SRGAP2: variants seen among roughly 807,000 people sequenced by gnomAD.
SRGAP2 encodes the protein SLIT-ROBO Rho GTPase activating protein 2, also known as SLIT-ROBO Rho GTPase-activating protein 2.
SRGAP2 carries 15 observed loss-of-function variants against 57.2 expected under a neutral mutation model. The observed-to-expected ratio is 0.26, with a 90% CI of 0.18 to 0.40. SRGAP2 has a LOEUF of 0.40. SRGAP2 is among the 10% of genes least tolerant of loss of function. The probability of loss-of-function intolerance (pLI) is 1.00; values close to 1 mark genes in which losing one functional copy is unlikely to be tolerated. For missense variants in SRGAP2, 520 were observed against 669.6 expected (o/e 0.78, Z 2.47); for synonymous variants, 249 against 248.0 (o/e 1.00, Z -0.04).
intron 2 of SRGAP2, among the ~76,000 whole-genome samples, chr1:206,245,231 C>T: frequency 6.9e-6 from 1 of 145,706 alleles, no homozygotes; most frequent in Non-Finnish European, 1.5e-5. Context: ...GAGCCCTAGA[C>T]CTTTCCATCT....
intron 3 of SRGAP2, among the ~76,000 whole-genome samples, chr1:206,310,209 GC>G (rs1429657133): frequency 2.6e-5 from 4 of 151,544 alleles, no homozygotes; most frequent in Admixed American, 6.6e-5. Context: ...ATATGGTACA[GC>G]CTGGTAGAAG....
At chr1:206,369,013 C>T (rs1383960537) in intron 4 of SRGAP2, among the ~76,000 whole-genome samples, 1 of 152,080 alleles carries the variant, frequency 6.6e-6, no homozygotes, top group Non-Finnish European at 1.5e-5. Context: ...GTGGAAGATA[C>T]TATCATCCTA....
intron 14 of SRGAP2, among the ~76,000 whole-genome samples, chr1:206,430,562 G>C (rs546688467): frequency 1.3e-5 from 2 of 152,304 alleles, no homozygotes; most frequent in African/African-American, 4.8e-5. Flanking sequence ...GCAAGTGTGG[G>C]TATCTCCCAC....
Position 206,365,305 on chromosome 1 carries a change from A to G in SRGAP2, c.424-18709A>G, listed in dbSNP as rs1255116637. On this transcript the variant is annotated intron_variant, in intron 4 of 22. Coordinates refer to ENST00000573034, the MANE Select transcript of SRGAP2 (RefSeq NM_015326.5). Reference sequence around the variant, plus strand: ...TTTTGCTCCAAAATCTATAGAGGGTACACCCCTCTTATATTCTGGAGTCTT... The same window carrying G: ...TTTTGCTCCAAAATCTATAGAGGGTGCACCCCTCTTATATTCTGGAGTCTT... 1.1e-4 allele frequency among the ~76,000 whole-genome samples: 16 copies of G among 150,756 alleles called. No individual in the cohort carries two copies. The East Asian group carries it at 3.1e-3, about 30-fold the overall frequency.
At chr1:206,446,026 G>A (rs1553373588) in intron 17 of SRGAP2, 49 bp from the exon 18 acceptor site, 1 of 769,684 alleles carries the variant, frequency 1.3e-6, no homozygotes, top group Non-Finnish European at 2.4e-6. Context: ...TGTTTTCTGG[G>A]CATTCATGCG....
intron 18 of SRGAP2, among the ~76,000 whole-genome samples, chr1:206,447,786 C>T (rs1343604787): frequency 6.6e-6 from 1 of 152,222 alleles, no homozygotes; most frequent in Non-Finnish European, 1.5e-5. Context: ...GGTCCAGTGC[C>T]CGGGGCACAG....
At position 206,359,012 on chromosome 1, in the gene SRGAP2, A is replaced by T. The variant is rs1292632811; in HGVS notation, c.423+16004A>T. ...AAAACAGATTCATGAAAAGTGAGTC[A>T]GGAGAGCTTCATAGAGGGGAAAGAA... On this transcript the variant is annotated intron_variant, in intron 4 of 22. Transcript: ENST00000573034. Among the ~76,000 whole-genome samples, 11 of 152,366 alleles carry T rather than the reference A, an allele frequency of 7.2e-5. No homozygotes were observed. In the East Asian group the frequency reaches 2.1e-3, roughly 29 times the overall value.
At chr1:206,401,821 C>T (rs1163651461) in intron 8 of SRGAP2, among the ~76,000 whole-genome samples, 176 bp downstream of exon 8, 7 of 152,230 alleles carry the variant, frequency 4.6e-5, no homozygotes, top group Non-Finnish European at 8.8e-5. Context: ...TGCTGTCAGA[C>T]ACTCGGGCTT....
intron 17 of SRGAP2, among the ~76,000 whole-genome samples, chr1:206,442,774 A>G (rs1382711561): frequency 1.3e-5 from 2 of 152,200 alleles, no homozygotes; most frequent in Non-Finnish European, 2.9e-5. Flanking sequence ...AAAGCAGACC[A>G]CCTCCACAGG....
intron 14 of SRGAP2, among the ~76,000 whole-genome samples, chr1:206,430,935 T>G (rs782738642): frequency 6.6e-6 from 1 of 152,206 alleles, no homozygotes; most frequent in Non-Finnish European, 1.5e-5. Context: ...ACAGAACTAG[T>G]GCTATGAAAA....
intron 4 of SRGAP2, among the ~76,000 whole-genome samples, chr1:206,370,734 T>G (rs1654464295): frequency 6.6e-6 from 1 of 152,236 alleles, no homozygotes; most frequent in Non-Finnish European, 1.5e-5. Flanking sequence ...TAGTGGTGAA[T>G]TGTACAGTGT....
rs1292490404 is a variant in SRGAP2, at chr1:206,206,316, G to C, written c.67+279G>C. The C allele has an allele frequency of 3.4e-4, 142 of 421,854 alleles. 3 individuals are homozygous for C. The Admixed American group carries it at 4.9e-3, about 15-fold the overall frequency. The allele number at this position is 421,854 out of a possible 1,614,324, so 26.1% of individuals were successfully genotyped here. On this transcript the variant is annotated intron_variant, in intron 2 of 22. Coordinates refer to ENST00000573034, the MANE Select transcript of SRGAP2 (RefSeq NM_015326.5). ...TTTCCCCCCCAAGCCGGACAGGGTG[G>C]GGGGAGGGGCAGGAGGCTCTTAGAG...
At position 206,454,433 on chromosome 1, in the gene SRGAP2, G is replaced by A. The variant is rs989107486; in HGVS notation, c.2361-445G>A. On this transcript the variant is annotated intron_variant, in intron 20 of 22. Transcript: ENST00000573034. The surrounding 1 kb of genome is among the most constrained non-coding windows in gnomAD (Gnocchi z 4.3). The stretch of plus-strand genomic sequence containing the variant: ...TAGAGGCGCTACGACAGTGTGTGGC[G>A]GTGTCCTGCCACGACGCCGCCGTCT... The A allele has an allele frequency of 1.5e-5, 8 of 516,522 alleles. No homozygotes were observed. Among genetic ancestry groups the A allele is most frequent in the East Asian group, 6.3e-5 (2 of 31,544 alleles). 32.0% of individuals were successfully genotyped at this position (516,522 alleles called of 1,614,324 possible).
chr1:206,418,336 GGCGTT>G (rs1553362787), intron 11 of SRGAP2, among the ~76,000 whole-genome samples: 2 of 152,210 alleles, frequency 1.3e-5, no homozygotes, highest in Admixed American at 1.3e-4. Flanking sequence ...GGTAGGGGAT[GGCGTT>G]GCTCAAGATG....
Position 206,248,698 on chromosome 1 carries a change from G to A in SRGAP2, c.67+42661G>A, listed in dbSNP as rs1266403492. Among the ~76,000 whole-genome samples the A allele has an allele frequency of 7.9e-5, 12 of 152,036 alleles. No individual in the cohort carries two copies. In the East Asian group the frequency reaches 1.3e-3, roughly 17 times the overall value. ...ACCGTGGATGTTGGAATTTAGTACC[G>A]TTTAGCTTTATTAGGTTCTGCAGTA... On this transcript the variant is annotated intron_variant, in intron 2 of 22. Coordinates refer to ENST00000573034, the MANE Select transcript of SRGAP2 (RefSeq NM_015326.5).
At chr1:206,401,844 G>C (rs1205308950) in intron 8 of SRGAP2, among the ~76,000 whole-genome samples, 199 bp downstream of exon 8, 1 of 152,128 alleles carries the variant, frequency 6.6e-6, no homozygotes, top group Non-Finnish European at 1.5e-5. Context: ...GTGCAGACAT[G>C]GGGGATTAAA....
intron 22 of SRGAP2, among the ~76,000 whole-genome samples, chr1:206,460,736 A>G (rs1442921936): frequency 6.6e-6 from 1 of 152,088 alleles, no homozygotes; most frequent in Admixed American, 6.5e-5. Context: ...TCTCTTCCCC[A>G]CTAGATTATA....
intron 3 of SRGAP2, among the ~76,000 whole-genome samples, chr1:206,305,312 GT>G (rs1309475313): frequency 6.6e-6 from 1 of 151,466 alleles, no homozygotes; most frequent in Non-Finnish European, 1.5e-5. Flanking sequence ...CTTATTTCTT[GT>G]TTCTGTTCCA....
At chr1:206,460,679 C>T (rs1186068893) in intron 22 of SRGAP2, among the ~76,000 whole-genome samples, 2 of 152,110 alleles carry the variant, frequency 1.3e-5, no homozygotes, top group African/African-American at 4.8e-5. Flanking sequence ...AACAAATCCC[C>T]ATGTACTCAT....
Sources: gnomAD v4.1 joint callset for allele counts (sites outside exome capture counted in the v4.1 genomes callset) on GRCh38, gnomAD v4.1.1 for gene constraint, Gnocchi (gnomAD v3.1) non-coding constraint, MANE v1.5 for transcripts, NCBI Gene and HGNC (gene_info 2026-07-23, HGNC 2026-07-21) for gene names.